Variants in COTL1 observed in about 807,000 individuals in gnomAD.
The protein encoded by COTL1 is coactosin like F-actin binding protein 1.
A neutral mutation model predicts 16.5 loss-of-function variants in COTL1; 15 were observed. The ratio of observed to expected loss-of-function variants is 0.91; its 90% CI spans 0.61 to 1.40. The LOEUF is 1.40. Among genes scored for constraint, COTL1 ranks in the 40% most tolerant of loss-of-function variants. COTL1 has a pLI of 0.00. For missense variants in COTL1, 220 were observed against 201.5 expected (o/e 1.09, Z -0.56); for synonymous variants, 112 against 85.3 (o/e 1.31, Z -1.73).
At chr16:84,597,886 C>T (rs1465551423) in intron 2 of COTL1, among the ~76,000 whole-genome samples, 1 of 152,200 alleles carries the variant, frequency 6.6e-6, no homozygotes, top group Non-Finnish European at 1.5e-5. Context: ...AGAGAGGGAA[C>T]AGCCATCATT....
intron 3 of COTL1, among the ~76,000 whole-genome samples, chr16:84,587,675 G>A (rs536315268): frequency 3.3e-5 from 5 of 152,246 alleles, no homozygotes; most frequent in East Asian, 3.9e-4. Context: ...CAGCAAAGCC[G>A]AAAGGCAGGA....
chr16:84,588,495 A>G (rs1904786235), intron 3 of COTL1, among the ~76,000 whole-genome samples: 1 of 151,998 alleles, frequency 6.6e-6, no homozygotes, highest in Non-Finnish European at 1.5e-5. Context: ...CAGATAGCCT[A>G]TTTTTTTGTT....
intron 2 of COTL1, among the ~76,000 whole-genome samples, chr16:84,600,568 C>T (rs1246682707): frequency 6.6e-6 from 1 of 152,216 alleles, no homozygotes; most frequent in East Asian, 1.9e-4. Flanking sequence ...CCGCCTCAGT[C>T]TCCCAAAGAG....
At chr16:84,574,995 T>A (rs1297713968) in intron 3 of COTL1, among the ~76,000 whole-genome samples, 1 of 152,206 alleles carries the variant, frequency 6.6e-6, no homozygotes, top group Non-Finnish European at 1.5e-5. Context: ...GATTTTAAAG[T>A]GCATGTTCTC....
At chr16:84,569,996 A>G (rs1440867928) in intron 3 of COTL1, among the ~76,000 whole-genome samples, 1 of 152,170 alleles carries the variant, frequency 6.6e-6, no homozygotes, top group Non-Finnish European at 1.5e-5. Flanking sequence ...TAAGTTTGAG[A>G]GCCATGGATG....
chr16:84,613,655 G>A (rs78080475), intron 2 of COTL1, among the ~76,000 whole-genome samples: 1 of 152,328 alleles, frequency 6.6e-6, no homozygotes, highest in African/African-American at 2.4e-5. Context: ...CCCCAGCAAG[G>A]GAGGACAGAG....
At chr16:84,599,793 C>A (rs148599189) in intron 2 of COTL1, among the ~76,000 whole-genome samples, 42 of 152,170 alleles carry the variant, frequency 2.8e-4, no homozygotes, top group African/African-American at 8.2e-4. Context: ...CACCAAAAAG[C>A]TGAGCTGTCA....
intron 3 of COTL1, among the ~76,000 whole-genome samples, chr16:84,574,954 T>C (rs922114318): frequency 5.9e-5 from 9 of 152,222 alleles, no homozygotes; most frequent in Non-Finnish European, 1.3e-4. Context: ...AGGGGCTCTG[T>C]ACAGAGTCTA....
intron 2 of COTL1, among the ~76,000 whole-genome samples, chr16:84,601,092 C>A (rs1905098285): frequency 6.6e-6 from 1 of 152,160 alleles, no homozygotes; most frequent in African/African-American, 2.4e-5. Context: ...AGACGCTGCG[C>A]CACTGAGGGG....
intron 2 of COTL1, among the ~76,000 whole-genome samples, chr16:84,608,690 G>C (rs533120774): frequency 2.8e-4 from 43 of 152,330 alleles, no homozygotes; most frequent in Non-Finnish European, 5.7e-4. Context: ...TGGATCGCTT[G>C]AGCCCAGGAG....
At position 84,617,835 on chromosome 16, in the gene COTL1, T is replaced by C. The variant is rs1905538851; in HGVS notation, c.77+3A>G. The C allele has an allele frequency of 1.9e-6, 3 of 1,570,414 alleles. No homozygotes were observed. The highest frequency in any genetic ancestry group is 4.7e-5 in the East Asian group (2 of 42,536). ...GGCGTGGAGACGAATGAAAAGTTCC[T>C]ACCAGATGACGGCCGAGCCGTCGTC... is the stretch of plus-strand genomic sequence containing the variant. On this transcript the variant is annotated splice_donor_region_variant and intron_variant, in intron 1 of 3. Transcript: ENST00000262428.
intron 3 of COTL1, among the ~76,000 whole-genome samples, chr16:84,589,790 C>T (rs967720541): frequency 3.9e-5 from 6 of 152,042 alleles, no homozygotes; most frequent in African/African-American, 1.4e-4. Flanking sequence ...GTAGTGGCCG[C>T]TATTCTGGTC....
In COTL1 at chr16:84,590,383, T is replaced by C. The variant is rs2288584; in HGVS notation, c.161-121A>G. 0.25 allele frequency: 281,992 copies of C among 1,124,286 alleles called. 38,663 individuals are homozygous for C. Among genetic ancestry groups the C allele is most frequent in the Non-Finnish European group, 0.29 (226,815 of 790,928 alleles). The allele number at this position is 1,124,286 out of a possible 1,614,324, so 69.6% of individuals were successfully genotyped here. On this transcript the variant is annotated intron_variant, in intron 2 of 3. Transcript: ENST00000262428. The surrounding 1 kb of genome is among the most constrained non-coding windows in gnomAD (Gnocchi z 5.5). ...GCAGCACAGCAGGAGACCGGTGCAG[T>C]TCCCTGGGAGCACCATGTGCAGAGG...
chr16:84,573,546 G>A (rs939073472), intron 3 of COTL1, among the ~76,000 whole-genome samples: 1 of 152,174 alleles, frequency 6.6e-6, no homozygotes, highest in African/African-American at 2.4e-5. Flanking sequence ...AGGCCGAGGT[G>A]AGTGGATCAC....
chr16:84,590,386 C>T lies in COTL1; in HGVS notation c.161-124G>A. The T allele has an allele frequency of 9.4e-7, 1 of 1,060,538 alleles. No individual in the cohort carries two copies. The highest frequency in any genetic ancestry group is 1.4e-6 in the Non-Finnish European group (1 of 736,414). The allele number at this position is 1,060,538 out of a possible 1,614,324, so 65.7% of individuals were successfully genotyped here. On this transcript the variant is annotated intron_variant, in intron 2 of 3. Coordinates refer to ENST00000262428, the MANE Select transcript of COTL1 (RefSeq NM_021149.5). The surrounding 1 kb of genome is among the most constrained non-coding windows in gnomAD (Gnocchi z 5.5). ...GCACAGCAGGAGACCGGTGCAGTTCCCTGGGAGCACCATGTGCAGAGGACA... is the reference window on the plus strand; with the variant it reads ...GCACAGCAGGAGACCGGTGCAGTTCTCTGGGAGCACCATGTGCAGAGGACA...
At chr16:84,613,828 G>A (rs1260614124) in intron 2 of COTL1, among the ~76,000 whole-genome samples, 1 of 150,360 alleles carries the variant, frequency 6.7e-6, no homozygotes, top group South Asian at 2.1e-4. Context: ...GGGCTGCCCC[G>A]CCCCCCACCC....
At chr16:84,570,566 A>G in intron 3 of COTL1, among the ~76,000 whole-genome samples, 1 of 152,174 alleles carries the variant, frequency 6.6e-6, no homozygotes, top group East Asian at 1.9e-4. Context: ...ATTCCAAGTT[A>G]TACAAACAAA....
chr16:84,587,640 G>C (rs1421425514), intron 3 of COTL1, among the ~76,000 whole-genome samples: 3 of 152,192 alleles, frequency 2.0e-5, no homozygotes, highest in African/African-American at 7.2e-5. Flanking sequence ...CTGCAGATGA[G>C]AGTGTGACCT....
chr16:84,605,955 G>A (rs536569667), intron 2 of COTL1, among the ~76,000 whole-genome samples: 1 of 152,298 alleles, frequency 6.6e-6, no homozygotes, highest in South Asian at 2.1e-4. Context: ...TTTATTTATT[G>A]CTCGCAAGGA....
Sources: gnomAD v4.1 joint callset for allele counts (sites outside exome capture counted in the v4.1 genomes callset) on GRCh38, gnomAD v4.1.1 for gene constraint, Gnocchi (gnomAD v3.1) non-coding constraint, MANE v1.5 for transcripts, NCBI Gene and HGNC (gene_info 2026-07-23, HGNC 2026-07-21) for gene names.